The following ARHGEF7 variants were observed in gnomAD, a reference collection of about 807,000 sequenced individuals.
ARHGEF7 encodes PAK-interacting exchange factor beta.
In ARHGEF7, 33 loss-of-function variants were observed where a neutral mutation model predicts 109.8. That is an observed-to-expected ratio of 0.30 (90% CI 0.23 to 0.40). The LOEUF is 0.40. Among genes scored for constraint, ARHGEF7 ranks in the 10% least tolerant of loss-of-function variants. ARHGEF7 has a pLI of 1.00. For missense variants in ARHGEF7, 938 were observed against 1,098.5 expected, an observed-to-expected ratio of 0.85 and a Z score of 2.07; for synonymous variants, 458 against 424.6, an observed-to-expected ratio of 1.08 and a Z score of -0.97.
At position 111,253,616 on chromosome 13, in the gene ARHGEF7, T is replaced by C. The variant is rs1203216123; in HGVS notation, c.950+9322T>C. Reference sequence around the variant, plus strand: ...GGATTTGCCCTGTTCCCGTCTCAGATGTACAGCTCTTGAAATAGTGAGGGT... The same window carrying C: ...GGATTTGCCCTGTTCCCGTCTCAGACGTACAGCTCTTGAAATAGTGAGGGT... On this transcript the variant is annotated intron_variant, in intron 8 of 21. Coordinates refer to ENST00000646102, the MANE Select transcript of ARHGEF7 (RefSeq NM_001354046.2). 2.0e-5 allele frequency among the ~76,000 whole-genome samples: 3 copies of C among 152,222 alleles called. No homozygotes were observed. The East Asian group carries it at 5.8e-4, about 29-fold the overall frequency.
chr13:111,137,822 A>C (rs1231716154), intron 1 of ARHGEF7, among the ~76,000 whole-genome samples: 2 of 152,256 alleles, frequency 1.3e-5, no homozygotes, highest in Non-Finnish European at 2.9e-5. Context: ...CATCAGTGAA[A>C]TATTCAAATT....
chr13:111,296,545 C>G (rs966379899), intron 19 of ARHGEF7, among the ~76,000 whole-genome samples: 1 of 152,220 alleles, frequency 6.6e-6, no homozygotes, highest in South Asian at 2.1e-4. Flanking sequence ...TCATTATATT[C>G]GTGTTTTTCT....
chr13:111,120,083 T>C (rs2067079033), intron 1 of ARHGEF7, among the ~76,000 whole-genome samples: 1 of 152,232 alleles, frequency 6.6e-6, no homozygotes, highest in Non-Finnish European at 1.5e-5. Flanking sequence ...ACCCTGAATA[T>C]GGTTCCAGAA....
chr13:111,184,130 C>T (rs1271069387), intron 2 of ARHGEF7, among the ~76,000 whole-genome samples: 2 of 152,162 alleles, frequency 1.3e-5, no homozygotes, highest in African/African-American at 4.8e-5. Flanking sequence ...AATTAGTTCT[C>T]ACGAGATCTG....
At chr13:111,214,560 A>G (rs2153482657) in intron 4 of ARHGEF7, among the ~76,000 whole-genome samples, 1 of 152,348 alleles carries the variant, frequency 6.6e-6, no homozygotes, top group African/African-American at 2.4e-5. Flanking sequence ...GTTTGCAAAA[A>G]GAGAACTTGA....
chr13:111,138,475 C>T (rs1566613516), intron 1 of ARHGEF7, among the ~76,000 whole-genome samples: 1 of 151,980 alleles, frequency 6.6e-6, no homozygotes, highest in Non-Finnish European at 1.5e-5. Flanking sequence ...AGCGAGATTG[C>T]ATCTCAAAAA....
At chr13:111,223,039 T>A (rs2084680641) in intron 5 of ARHGEF7, among the ~76,000 whole-genome samples, 1 of 152,344 alleles carries the variant, frequency 6.6e-6, no homozygotes, top group East Asian at 1.9e-4. Flanking sequence ...TGTACCTAAT[T>A]TCCAGATTAA....
intron 1 of ARHGEF7, chr13:111,153,639 A>C: frequency 8.3e-7 from 1 of 1,197,916 alleles, no homozygotes; most frequent in African/African-American, 1.6e-5. Context: ...GCGCGGTCTG[A>C]GGACGTCACT....
intron 2 of ARHGEF7, among the ~76,000 whole-genome samples, chr13:111,156,900 G>T (rs544011918): frequency 6.6e-6 from 1 of 152,296 alleles, no homozygotes; most frequent in Admixed American, 6.5e-5. Context: ...TCTTCCAGGG[G>T]TTAGTTTAGA....
intron 8 of ARHGEF7, among the ~76,000 whole-genome samples, chr13:111,245,939 A>T (rs1440957780): frequency 6.6e-6 from 1 of 152,264 alleles, no homozygotes; most frequent in Non-Finnish European, 1.5e-5. Flanking sequence ...AATTTCAACA[A>T]TGCAGAAACC....
At chr13:111,221,204 TAG>T (rs1463286355) in intron 5 of ARHGEF7, among the ~76,000 whole-genome samples, 874 of 67,858 alleles carry the variant, frequency 0.013, 33 homozygotes, top group Non-Finnish European at 0.017. Flanking sequence ...TATATCTATA[TAG>T]ATATATATGT....
intron 1 of ARHGEF7, among the ~76,000 whole-genome samples, chr13:111,153,363 A>G (rs746040805): frequency 8.5e-5 from 13 of 152,070 alleles, no homozygotes; most frequent in Admixed American, 2.0e-4. Context: ...CTGCGGGGCC[A>G]GGCCAAGGAC....
chr13:111,163,241 G>A (rs2076881951), intron 2 of ARHGEF7, among the ~76,000 whole-genome samples: 1 of 152,238 alleles, frequency 6.6e-6, no homozygotes, highest in African/African-American at 2.4e-5. Context: ...AAGAAAGACA[G>A]TTTCCATTCA....
At chr13:111,265,519 T>C (rs2091544053) in intron 8 of ARHGEF7, 1 of 456,158 alleles carries the variant, frequency 2.2e-6, no homozygotes, top group Non-Finnish European at 4.4e-6. Flanking sequence ...GCAGTGCTCA[T>C]GAAGGTGGAG....
At chr13:111,116,434 G>A (rs1019213558) in intron 1 of ARHGEF7, 4 of 152,648 alleles carry the variant, frequency 2.6e-5, no homozygotes, top group Non-Finnish European at 4.4e-5. Context: ...ATCTCTGGAA[G>A]TGATTAAAGT....
chr13:111,154,836 C>T (rs181264509), intron 2 of ARHGEF7, among the ~76,000 whole-genome samples: 1 of 152,178 alleles, frequency 6.6e-6, no homozygotes, highest in East Asian at 1.9e-4. Context: ...TAAGTCCTGC[C>T]GTTTATGTTG....
At chr13:111,189,236 G>A (rs1416425528) in intron 2 of ARHGEF7, among the ~76,000 whole-genome samples, 1 of 152,192 alleles carries the variant, frequency 6.6e-6, no homozygotes, top group Admixed American at 6.5e-5. Flanking sequence ...GTTCCTTCTG[G>A]TGGGTTCTTG....
intron 6 of ARHGEF7, among the ~76,000 whole-genome samples, chr13:111,233,915 C>T (rs1266682887): frequency 1.3e-5 from 2 of 152,138 alleles, no homozygotes; most frequent in East Asian, 1.9e-4. Context: ...TCGTCTAAAC[C>T]TTCTTTGTAC....
At position 111,273,084 on chromosome 13, in the gene ARHGEF7, CTA is replaced by C. The variant is rs1320797169; in HGVS notation, c.1074-728_1074-727del. ...TTTAATTTTGGGATATGCACTGTTTCTATGTCCATACACAGGGACACCTTCCT... is the reference window on the plus strand; with the variant it reads ...TTTAATTTTGGGATATGCACTGTTTCTGTCCATACACAGGGACACCTTCCT... On this transcript the variant is annotated intron_variant, in intron 9 of 21. Coordinates refer to ENST00000646102, the MANE Select transcript of ARHGEF7 (RefSeq NM_001354046.2). The surrounding 1 kb of genome is among the most constrained non-coding windows in gnomAD (Gnocchi z 4.5). Among the ~76,000 whole-genome samples, 2 of 152,212 alleles carry C rather than the reference CTA, an allele frequency of 1.3e-5. No homozygotes were observed. The highest frequency in any genetic ancestry group is 2.9e-5 in the Non-Finnish European group (2 of 68,032).
Sources: allele counts gnomAD v4.1 joint callset (sites outside exome capture counted in the v4.1 genomes callset), GRCh38; gene constraint gnomAD v4.1.1; non-coding constraint Gnocchi (gnomAD v3.1); transcripts MANE v1.5; gene names NCBI Gene and HGNC (gene_info 2026-07-23, HGNC 2026-07-21).